The following AK5 variants were observed in gnomAD, a reference collection of about 807,000 sequenced individuals.
AK5 encodes the protein adenylate kinase 5, also known as adenylate kinase isoenzyme 5.
A neutral mutation model predicts 69.5 loss-of-function variants in AK5; 27 were observed. That is an observed-to-expected ratio of 0.39 (90% CI 0.29 to 0.54). AK5 has a LOEUF of 0.54. Ranked by LOEUF, AK5 falls within the 20% of genes least tolerant of loss-of-function variation. The pLI, the probability that AK5 is intolerant of heterozygous loss-of-function variation, is 0.71. For synonymous variants in AK5, 260 were observed against 244.4 expected, an observed-to-expected ratio of 1.06 and a Z score of -0.60; for missense variants, 531 against 700.4, an observed-to-expected ratio of 0.76 and a Z score of 2.73.
intron 13 of AK5, among the ~76,000 whole-genome samples, chr1:77,557,040 C>T (rs1237501705): frequency 6.6e-6 from 1 of 151,772 alleles, no homozygotes; most frequent in Non-Finnish European, 1.5e-5. Context: ...TGGCTTGAAG[C>T]CACCAGAACA....
intron 10 of AK5, among the ~76,000 whole-genome samples, chr1:77,495,772 T>C (rs974000985): frequency 6.6e-6 from 1 of 152,090 alleles, no homozygotes; most frequent in African/African-American, 2.4e-5. Flanking sequence ...CTCCCCTGTA[T>C]ACTGATCTCA....
chr1:77,505,520 A>T (rs12133202), intron 10 of AK5, among the ~76,000 whole-genome samples: 40,050 of 152,066 alleles, frequency 0.26, 5,841 homozygotes, highest in East Asian at 0.42. Flanking sequence ...GAATTATCTA[A>T]ATCTTCAGTA....
intron 8 of AK5, among the ~76,000 whole-genome samples, chr1:77,418,081 G>T (rs977579779): frequency 6.6e-6 from 1 of 152,010 alleles, no homozygotes; most frequent in African/African-American, 2.4e-5. Flanking sequence ...CTATTTTATC[G>T]CTAACTGTAT....
intron 5 of AK5, among the ~76,000 whole-genome samples, chr1:77,335,535 A>AG (rs1409385889): frequency 3.3e-5 from 5 of 152,160 alleles, no homozygotes; most frequent in African/African-American, 1.2e-4. Flanking sequence ...TTTCTTAAAA[A>AG]CTTTCTGGGG....
intron 8 of AK5, among the ~76,000 whole-genome samples, chr1:77,423,147 G>A (rs1650946946): frequency 6.6e-6 from 1 of 151,344 alleles, no homozygotes; most frequent in Non-Finnish European, 1.5e-5. Flanking sequence ...CGTGAACCCG[G>A]GAGGTGGAGC....
chr1:77,282,897 A>G (rs748225969), intron 1 of AK5: 52 of 985,930 alleles, frequency 5.3e-5, no homozygotes, highest in Non-Finnish European at 6.0e-5. Flanking sequence ...GCAAAACCCA[A>G]CCTATCAAGT....
intron 6 of AK5, among the ~76,000 whole-genome samples, chr1:77,379,755 A>C (rs1647495371): frequency 6.6e-6 from 1 of 152,216 alleles, no homozygotes; most frequent in South Asian, 2.1e-4. Flanking sequence ...TATATACTTC[A>C]TTACTGCTGT....
intron 8 of AK5, among the ~76,000 whole-genome samples, chr1:77,466,061 G>A (rs899505496): frequency 6.6e-6 from 1 of 152,038 alleles, no homozygotes; most frequent in Non-Finnish European, 1.5e-5. Flanking sequence ...GATAAAACCC[G>A]ACTCCCTCAC....
At chr1:77,494,040 G>A (rs1044242682) in intron 10 of AK5, among the ~76,000 whole-genome samples, 24 of 152,156 alleles carry the variant, frequency 1.6e-4, no homozygotes, top group Non-Finnish European at 3.5e-4. Context: ...AACAGTCCTT[G>A]CAACACTGCA....
At chr1:77,371,442 A>G (rs1345772857) in intron 6 of AK5, 1 of 152,182 alleles carries the variant, frequency 6.6e-6, no homozygotes, top group Non-Finnish European at 1.5e-5. Flanking sequence ...GGGGGTTTCA[A>G]CCCAATGACA....
At chr1:77,345,519 T>C (rs1312193373) in intron 6 of AK5, among the ~76,000 whole-genome samples, 1 of 152,194 alleles carries the variant, frequency 6.6e-6, no homozygotes. Context: ...AGGGGTGAGA[T>C]GACTTTTTAA....
At chr1:77,553,700 C>G (rs962340918) in intron 13 of AK5, among the ~76,000 whole-genome samples, 1 of 152,186 alleles carries the variant, frequency 6.6e-6, no homozygotes, top group African/African-American at 2.4e-5. Flanking sequence ...TCCACTGATA[C>G]GATCATGGAC....
intron 6 of AK5, among the ~76,000 whole-genome samples, chr1:77,362,516 C>A (rs1646882754): frequency 6.6e-6 from 1 of 152,086 alleles, no homozygotes; most frequent in African/African-American, 2.4e-5. Flanking sequence ...GCCTATACTT[C>A]CTTATTGTAT....
intron 13 of AK5, among the ~76,000 whole-genome samples, chr1:77,547,411 G>T (rs1036724652): frequency 4.6e-5 from 7 of 151,450 alleles, no homozygotes; most frequent in African/African-American, 1.5e-4. Context: ...GTAGCTGGAA[G>T]TACAGGTGTG....
intron 5 of AK5, among the ~76,000 whole-genome samples, chr1:77,318,847 T>A (rs1660378105): frequency 6.6e-6 from 1 of 152,178 alleles, no homozygotes; most frequent in Non-Finnish European, 1.5e-5. Flanking sequence ...ATTTATATGA[T>A]CCTTATCGTA....
At chr1:77,483,252 G>A in intron 8 of AK5, 65 bp from the exon 9 acceptor site, 1 of 1,209,400 alleles carries the variant, frequency 8.3e-7, no homozygotes, top group Non-Finnish European at 1.2e-6. Context: ...GTAGGCCAGT[G>A]TTGCCAAGGA....
At chr1:77,460,548 G>T (rs1431208810) in intron 8 of AK5, among the ~76,000 whole-genome samples, 1 of 152,102 alleles carries the variant, frequency 6.6e-6, no homozygotes, top group African/African-American at 2.4e-5. Context: ...CGTTTAAAAT[G>T]ATTCAGAAGG....
At chr1:77,545,273 CCCT>C (rs1015476991) in intron 13 of AK5, among the ~76,000 whole-genome samples, 9 of 152,034 alleles carry the variant, frequency 5.9e-5, no homozygotes, top group African/African-American at 1.9e-4. Flanking sequence ...TTCCTCCAGC[CCCT>C]CATTCTTTCT....
At chr1:77,310,853 C>A (rs112439076) in intron 5 of AK5, among the ~76,000 whole-genome samples, 1 of 152,016 alleles carries the variant, frequency 6.6e-6, no homozygotes, top group African/African-American at 2.4e-5. Context: ...ATTGTCATGT[C>A]ACTCTGTTTA....
Sources: gnomAD v4.1 joint callset for allele counts (sites outside exome capture counted in the v4.1 genomes callset) on GRCh38, gnomAD v4.1.1 for gene constraint, MANE v1.5 for transcripts, NCBI Gene and HGNC (gene_info 2026-07-23, HGNC 2026-07-21) for gene names.